MUS81: variants seen among roughly 807,000 people sequenced by gnomAD.
The protein encoded by MUS81 is MUS81 structure-specific endonuclease subunit.
MUS81 carries 69 observed loss-of-function variants against 74.2 expected under a neutral mutation model. The ratio of observed to expected loss-of-function variants is 0.93; its 90% CI spans 0.77 to 1.14. The LOEUF (loss-of-function observed/expected upper bound fraction) is 1.14. Among genes scored for constraint, MUS81 ranks in the 50% most tolerant of loss-of-function variants. The pLI is 0.00. For synonymous variants in MUS81, 303 were observed against 300.6 expected (o/e 1.01, Z -0.08); for missense variants, 711 against 726.5 (o/e 0.98, Z 0.25).
Position 65,864,530 on chromosome 11 carries a change from G to A in MUS81, c.1093G>A (p.Val365Ile), listed in dbSNP as rs752782707. ...RLKRCGLERR[V>I]YLVEEHGSVH... ...GAAGCGCTGTGGTCTGGAGCGCCGG[G>A]TATACCTGGTGGAAGAGCATGGTTC... Residue 365 changes from valine to isoleucine, a missense_variant, in exon 11 of 16, where the codon GTA becomes ATA. Val to Ile is a conservative substitution (Grantham distance 29). Coordinates refer to ENST00000308110, the MANE Select transcript of MUS81 (RefSeq NM_025128.5). The A allele has an allele frequency of 1.2e-5, 20 of 1,614,048 alleles. No individual in the cohort carries two copies. The highest frequency in any genetic ancestry group is 1.7e-5 in the Non-Finnish European group (20 of 1,180,034).
In MUS81 at chr11:65,863,403, C is replaced by T. The variant is rs750694826; in HGVS notation, c.747-7C>T. 1 of 1,614,056 alleles carries T rather than the reference C, an allele frequency of 6.2e-7. No homozygotes were observed. The highest frequency in any genetic ancestry group is 1.7e-5 in the Admixed American group (1 of 60,018). The stretch of plus-strand genomic sequence containing the variant: ...TCTGGCCTCACATACCAACACCCCC[C>T]ACTTAGTGCCAGTGAAGCAGGGGTC... On this transcript the variant is annotated splice_polypyrimidine_tract_variant and splice_region_variant and intron_variant, in intron 7 of 15. Transcript: ENST00000308110.
Position 65,862,050 on chromosome 11 carries a change from G to A in MUS81, c.450+5G>A, listed in dbSNP as rs747761400. 5.6e-6 allele frequency: 9 copies of A among 1,606,774 alleles called. No individual in the cohort carries two copies. In the African/African-American group the frequency reaches 8.0e-5, roughly 14 times the overall value. ...GTGCTCTACCGGGAGCACCTGGTGA[G>A]CACTGGGCTACACCGGGAGGCGGAA... On this transcript the variant is annotated splice_donor_5th_base_variant and intron_variant, in intron 4 of 15. Transcript: ENST00000308110.
chr11:65,859,890 C>T (rs1317190531), upstream of MUS81, among the ~76,000 whole-genome samples: 1 of 152,214 alleles, frequency 6.6e-6, no homozygotes, highest in Non-Finnish European at 1.5e-5. Context: ...TGTGTCTGGG[C>T]TTCTTAACCC....
chr11:65,866,519 C>T, downstream of MUS81: 1 of 702,840 alleles, frequency 1.4e-6, no homozygotes, highest in Non-Finnish European at 2.6e-6. Context: ...CAGTTTGAGG[C>T]AGAGTTAGGA....
intron 12 of MUS81, 84 bp downstream of exon 12, chr11:65,864,899 G>A: frequency 1.3e-6 from 2 of 1,579,738 alleles, no homozygotes; most frequent in Non-Finnish European, 1.7e-6. Context: ...CCCAAAAGAA[G>A]CAAGGTGGGT....
chr11:65,859,934 G>A (rs1018203462), upstream of MUS81: 10 of 193,440 alleles, frequency 5.2e-5, no homozygotes, highest in African/African-American at 2.1e-4. Context: ...ACCCAACCGC[G>A]TGCCCATCTC....
downstream of MUS81, chr11:65,867,625 A>AG (rs35856478): frequency 0.48 from 275,723 of 577,114 alleles, 69,235 homozygotes; most frequent in Middle Eastern, 0.6. Flanking sequence ...AACTGAGATC[A>AG]ATATGGAAAA....
At chr11:65,865,655 C>G in intron 14 of MUS81, 156 bp from the exon 15 acceptor site, 1 of 776,054 alleles carries the variant, frequency 1.3e-6, no homozygotes, top group Non-Finnish European at 2.1e-6. Context: ...GGAGGGAGGA[C>G]AGCCCGGCTG....
At chr11:65,864,147 C>T (rs1431084531) in intron 10 of MUS81, 3 of 595,782 alleles carry the variant, frequency 5.0e-6, no homozygotes, top group Admixed American at 5.9e-5. Flanking sequence ...GGTACCCAGC[C>T]CCTGCAGTCT....
chr11:65,860,259 C>T (rs1449966594), upstream of MUS81: 1 of 456,976 alleles, frequency 2.2e-6, no homozygotes, highest in South Asian at 1.5e-5. Flanking sequence ...CAAGACCAGT[C>T]TCCATCTCCA....
chr11:65,862,036 G>C lies in MUS81; in HGVS notation c.441G>C (p.Arg147=), dbSNP rs1315384524. 6.2e-7 allele frequency: 1 copy of C among 1,608,238 alleles called. No homozygotes were observed. The highest frequency in any genetic ancestry group is 8.5e-7 in the Non-Finnish European group (1 of 1,177,616). Reference sequence around the variant, plus strand: ...GAGTGATACTGCTGGTGCTCTACCGGGAGCACCTGGTGAGCACTGGGCTAC... The same window carrying C: ...GAGTGATACTGCTGGTGCTCTACCGCGAGCACCTGGTGAGCACTGGGCTAC... ...GARVILLVLY[R]EHLNPNGHHF... The change falls in exon 4 of 16, where the codon CGG becomes CGC. Residue 147 remains arginine, a synonymous_variant. Transcript: ENST00000308110.
intron 10 of MUS81, 26 bp from the exon 11 acceptor site, chr11:65,864,471 C>T (rs1859736698): frequency 6.3e-6 from 10 of 1,597,198 alleles, no homozygotes; most frequent in Non-Finnish European, 8.6e-6. Context: ...CCTGACCCTC[C>T]CTGTCCACTC....
chr11:65,863,906 T>C lies in MUS81; in HGVS notation c.1059+5T>C. On this transcript the variant is annotated splice_donor_5th_base_variant and intron_variant, in intron 10 of 15. Coordinates refer to ENST00000308110, the MANE Select transcript of MUS81 (RefSeq NM_025128.5). ...GGCCGCTTCCGGGAGCAGAAGGTAATTTTGCTGGCTTTGCCAGGCTTCCCT... is the reference window on the plus strand; with the variant it reads ...GGCCGCTTCCGGGAGCAGAAGGTAACTTTGCTGGCTTTGCCAGGCTTCCCT... 1 of 1,613,846 alleles carries C rather than the reference T, an allele frequency of 6.2e-7. No individual in the cohort carries two copies. The highest frequency in any genetic ancestry group is 8.5e-7 in the Non-Finnish European group (1 of 1,179,930).
At chr11:65,863,523 C>T (rs538397554) in intron 8 of MUS81, 21 bp downstream of exon 8, 14 of 1,613,962 alleles carry the variant, frequency 8.7e-6, no homozygotes, top group South Asian at 3.3e-5. Context: ...TGGGGAGAAA[C>T]GAGGGAGATG....
At chr11:65,866,465 T>A, downstream of MUS81, 1 of 701,608 alleles carries the variant, frequency 1.4e-6, no homozygotes. Context: ...CCTCGTTTTA[T>A]AGAAAAACAG....
At chr11:65,867,015 A>C (rs1288333574), downstream of MUS81, 1 of 1,614,048 alleles carries the variant, frequency 6.2e-7, no homozygotes, top group Non-Finnish European at 8.5e-7. Context: ...CAGGTCCAGC[A>C]CGTACTCCCG....
chr11:65,867,060 G>T, downstream of MUS81: 5 of 1,614,116 alleles, frequency 3.1e-6, no homozygotes, highest in Non-Finnish European at 4.2e-6. Flanking sequence ...GACCAGCATG[G>T]CGCTGACGTT....
rs1226127758 is a variant in MUS81, at chr11:65,862,044, T to A, written c.449T>A (p.Leu150Gln). The A allele has an allele frequency of 3.1e-6, 5 of 1,605,998 alleles. No individual in the cohort carries two copies. In the African/African-American group the frequency reaches 6.7e-5, roughly 21 times the overall value. The change falls in exon 4 of 16, where the codon CTG (leucine) becomes CAG (glutamine). Residue 150 changes from leucine (L) to glutamine (Q), a missense_variant and splice_region_variant. Leu to Gln is a moderately radical substitution (Grantham distance 113). Coordinates refer to ENST00000308110, the MANE Select transcript of MUS81 (RefSeq NM_025128.5). ...VILLVLYREHLNPNGHHFLTK... is the reference protein window; with the variant it reads ...VILLVLYREHQNPNGHHFLTK... ...CTGCTGGTGCTCTACCGGGAGCACC[T>A]GGTGAGCACTGGGCTACACCGGGAG... is the stretch of plus-strand genomic sequence containing the variant.
At chr11:65,861,530 A>AC (rs1245764396) in intron 3 of MUS81, 95 bp downstream of exon 3, 1 of 1,008,052 alleles carries the variant, frequency 9.9e-7, no homozygotes, top group African/African-American at 1.6e-5. Flanking sequence ...TCCAAATCTC[A>AC]CCAGTGATGC....
Sources: gnomAD v4.1 joint callset for allele counts (sites outside exome capture counted in the v4.1 genomes callset) on GRCh38, gnomAD v4.1.1 for gene constraint, MANE v1.5 for transcripts, NCBI Gene and HGNC (gene_info 2026-07-23, HGNC 2026-07-21) for gene names.